EPHB1: variants seen among roughly 807,000 people sequenced by gnomAD.
The protein encoded by EPHB1 is ephrin type-B receptor 1.
A neutral mutation model predicts 94.4 loss-of-function variants in EPHB1; 30 were observed. The ratio of observed to expected loss-of-function variants is 0.32; its 90% confidence interval spans 0.24 to 0.43. The LOEUF (loss-of-function observed/expected upper bound fraction) is 0.43. EPHB1 is among the 20% of genes least tolerant of loss of function. The probability of loss-of-function intolerance (pLI) is 1.00; values close to 1 mark genes in which losing one functional copy is unlikely to be tolerated. For missense variants in EPHB1, 1,055 were observed against 1,308.3 expected, an observed-to-expected ratio of 0.81 and a Z score of 2.99; for synonymous variants, 522 against 489.1, an observed-to-expected ratio of 1.07 and a Z score of -0.89.
chr3:134,999,206 A>G (rs919574905), intron 3 of EPHB1, among the ~76,000 whole-genome samples: 4 of 152,180 alleles, frequency 2.6e-5, no homozygotes, highest in Non-Finnish European at 5.9e-5. Flanking sequence ...CATAGATTTA[A>G]AAACAAAAGG....
chr3:135,012,540 G>A (rs1023126769), intron 3 of EPHB1, among the ~76,000 whole-genome samples: 9 of 152,368 alleles, frequency 5.9e-5, no homozygotes, highest in African/African-American at 2.2e-4. Flanking sequence ...ACATGACAGA[G>A]GACATAGAGA....
chr3:135,104,139 C>CGA (rs1939125314), intron 3 of EPHB1, among the ~76,000 whole-genome samples: 1 of 152,182 alleles, frequency 6.6e-6, no homozygotes, highest in Admixed American at 6.5e-5. Flanking sequence ...GAGCTCCTGC[C>CGA]GAGTCCAGGC....
In EPHB1 at chr3:135,259,479, G is replaced by A. The variant is rs998366017; in HGVS notation, c.*359G>A. 1 of 222,182 alleles carries A rather than the reference G, an allele frequency of 4.5e-6. No individual in the cohort carries two copies. The highest frequency in any genetic ancestry group is 2.2e-5 in the African/African-American group (1 of 44,470). 13.8% of individuals were successfully genotyped at this position (222,182 alleles called of 1,614,324 possible). A position where few individuals can be genotyped will look rare whatever the true frequency, so the allele number is the denominator to read the frequency against. On this transcript the variant is annotated 3_prime_UTR_variant, in exon 16 of 16. Transcript: ENST00000398015. ...AAGAAAGGGAAGGAGGTAGAGGGAA[G>A]AAACAGAAGCAGTGTTCCATTTTCT... is the stretch of plus-strand genomic sequence containing the variant.
At chr3:134,973,597 A>G (rs2107728842) in intron 3 of EPHB1, among the ~76,000 whole-genome samples, 1 of 151,658 alleles carries the variant, frequency 6.6e-6, no homozygotes, top group South Asian at 2.1e-4. Context: ...ATGCCCAGCT[A>G]ATTTTTGTAT....
At chr3:134,958,220 A>G (rs1007070636) in intron 3 of EPHB1, among the ~76,000 whole-genome samples, 1 of 152,198 alleles carries the variant, frequency 6.6e-6, no homozygotes, top group Non-Finnish European at 1.5e-5. Flanking sequence ...GAGCCACTTT[A>G]TAAGCCTGGG....
At chr3:135,141,147 T>C (rs1184734086) in intron 5 of EPHB1, among the ~76,000 whole-genome samples, 1 of 104,272 alleles carries the variant, frequency 9.6e-6, no homozygotes, top group Non-Finnish European at 2.0e-5. Context: ...TTCCTTTCCT[T>C]TTTTTTTTTT....
chr3:134,851,138 C>T (rs75512597), intron 1 of EPHB1, among the ~76,000 whole-genome samples: 2,352 of 152,318 alleles, frequency 0.015, 59 homozygotes, highest in African/African-American at 0.051. Context: ...GAAAGAAAGG[C>T]TGGAGTTCTC....
chr3:134,903,525 T>C (rs942243929), intron 1 of EPHB1, among the ~76,000 whole-genome samples: 1 of 152,202 alleles, frequency 6.6e-6, no homozygotes, highest in Admixed American at 6.5e-5. Flanking sequence ...ATGAATTTGC[T>C]TGGGATCGCT....
At chr3:134,985,758 T>G (rs1934574019) in intron 3 of EPHB1, among the ~76,000 whole-genome samples, 1 of 152,168 alleles carries the variant, frequency 6.6e-6, no homozygotes, top group African/African-American at 2.4e-5. Flanking sequence ...TGTTTTGTTC[T>G]TTTAGTTCAC....
At chr3:135,195,463 T>C (rs997776765) in intron 11 of EPHB1, among the ~76,000 whole-genome samples, 6 of 151,714 alleles carry the variant, frequency 4.0e-5, no homozygotes, top group African/African-American at 1.5e-4. Flanking sequence ...TAGGTATATC[T>C]CCCAATGCTA....
intron 13 of EPHB1, among the ~76,000 whole-genome samples, chr3:135,246,463 C>G (rs1022745688): frequency 6.6e-6 from 1 of 152,162 alleles, no homozygotes; most frequent in Non-Finnish European, 1.5e-5. Context: ...GCCGACACCT[C>G]CAGGGGCTGT....
At chr3:135,201,353 A>G (rs1942749571) in intron 11 of EPHB1, 121 bp from the exon 12 acceptor site, 1 of 900,702 alleles carries the variant, frequency 1.1e-6, no homozygotes, top group East Asian at 2.4e-5. Context: ...AGAGGAGGAC[A>G]CAGTGAGTGG....
rs2107736541 is a variant in EPHB1, at chr3:135,259,636, G to A, written c.*516G>A. ...TTTCTTCAAACAAAACCCAGCTCCT[G>A]AGTCTCCAGATGTTGTTCTGTCAGT... is the stretch of plus-strand genomic sequence containing the variant. On this transcript the variant is annotated 3_prime_UTR_variant, in exon 16 of 16. Transcript: ENST00000398015. 5.1e-6 allele frequency: 1 copy of A among 195,044 alleles called. No homozygotes were observed. Among genetic ancestry groups the A allele is most frequent in the African/African-American group, 2.3e-5 (1 of 43,210 alleles). 12.1% of individuals were successfully genotyped at this position (195,044 alleles called of 1,614,324 possible).
intron 1 of EPHB1, among the ~76,000 whole-genome samples, chr3:134,875,705 A>G (rs2108309361): frequency 6.6e-6 from 1 of 152,308 alleles, no homozygotes; most frequent in East Asian, 1.9e-4. Context: ...GCTGTACCTA[A>G]GTGAGATGAT....
At chr3:134,910,981 T>A (rs957793917) in intron 1 of EPHB1, among the ~76,000 whole-genome samples, 1 of 152,126 alleles carries the variant, frequency 6.6e-6, no homozygotes, top group Non-Finnish European at 1.5e-5. Flanking sequence ...GAGAGATGGA[T>A]AAAAAGTGGA....
chr3:135,148,053 T>A (rs1349173063), intron 5 of EPHB1, among the ~76,000 whole-genome samples: 1 of 152,248 alleles, frequency 6.6e-6, no homozygotes, highest in African/African-American at 2.4e-5. Context: ...GTCCCAAAAC[T>A]GATTATGGTT....
chr3:135,219,811 A>T (rs1374037728), intron 12 of EPHB1, among the ~76,000 whole-genome samples: 1 of 152,144 alleles, frequency 6.6e-6, no homozygotes, highest in African/African-American at 2.4e-5. Flanking sequence ...AGTCCTGTGC[A>T]TTGTTACAGA....
intron 3 of EPHB1, among the ~76,000 whole-genome samples, chr3:135,043,121 T>G (rs1936901955): frequency 6.6e-6 from 1 of 152,118 alleles, no homozygotes; most frequent in Admixed American, 6.5e-5. Flanking sequence ...AGATGACAGG[T>G]GTGAGCCATT....
At chr3:135,145,337 T>TA (rs987659099) in intron 5 of EPHB1, among the ~76,000 whole-genome samples, 27 of 152,034 alleles carry the variant, frequency 1.8e-4, no homozygotes, top group South Asian at 4.2e-4. Context: ...TTCATATATT[T>TA]AAAAAAAAGA....
Sources: allele counts gnomAD v4.1 joint callset (sites outside exome capture counted in the v4.1 genomes callset), GRCh38; gene constraint gnomAD v4.1.1; transcripts MANE v1.5; gene names NCBI Gene and HGNC (gene_info 2026-07-23, HGNC 2026-07-21).